Variants in ATP10D observed in about 807,000 individuals in gnomAD.
ATP10D encodes the protein ATPase phospholipid transporting 10D (putative).
Under a neutral mutation model 144.8 loss-of-function variants are expected in ATP10D, and 89 were observed. The observed-to-expected ratio is 0.61, with a 90% CI of 0.52 to 0.73. ATP10D has a LOEUF of 0.73. Among genes scored for constraint, ATP10D ranks in the 30% least tolerant of loss-of-function variants. The pLI is 0.00. For missense variants in ATP10D, 1,603 were observed against 1,714.8 expected (o/e 0.93, Z 1.15); for synonymous variants, 571 against 615.1 (o/e 0.93, Z 1.06).
intron 5 of ATP10D, among the ~76,000 whole-genome samples, chr4:47,528,118 A>C (rs1357367173): frequency 1.3e-5 from 2 of 152,104 alleles, no homozygotes; most frequent in Non-Finnish European, 2.9e-5. Flanking sequence ...TTATAGGTTC[A>C]ATGGTCTTTG....
chr4:47,587,086 G>T lies in ATP10D; in HGVS notation c.3821G>T (p.Gly1274Val), dbSNP rs1271318523. 1 of 1,613,878 alleles carries T rather than the reference G, an allele frequency of 6.2e-7. No homozygotes were observed. The highest frequency in any genetic ancestry group is 1.7e-5 in the Admixed American group (1 of 59,982). Residue 1274 changes from glycine (G) to valine (V), a missense_variant, in exon 22 of 23, where the codon GGA becomes GTA. By Grantham distance (109) the Gly-to-Val change is moderately radical (BLOSUM62 -3). Transcript: ENST00000273859. ...TATTTTTTATTTGCCATAGTTTTTG[G>T]AGCCATGTGTGTAACTTGCAACCCA... Reference protein sequence around the residue: ...LSYFLFAIVFGAMCVTCNPPS... With the variant: ...LSYFLFAIVFVAMCVTCNPPS...
At position 47,591,280 on chromosome 4, in the gene ATP10D, G is replaced by A. The variant is rs140236295; in HGVS notation, c.4180G>A (p.Glu1394Lys). ...GAAGTCAGCAAGTTCCTGTGCTATTGAGCAAGGAAACTTATCTCTGTGTGA... is the reference window on the plus strand; with the variant it reads ...GAAGTCAGCAAGTTCCTGTGCTATTAAGCAAGGAAACTTATCTCTGTGTGA... ...AMKSASSCAI[E>K]QGNLSLCETA... Residue 1394 changes from glutamate to lysine, a missense_variant, in exon 23 of 23, where the codon GAG becomes AAG. Physicochemically the swap from Glu to Lys is moderately conservative, Grantham distance 56. Transcript: ENST00000273859. 8.7e-6 allele frequency: 14 copies of A among 1,613,412 alleles called. No individual in the cohort carries two copies. The highest frequency in any genetic ancestry group is 2.7e-5 in the African/African-American group (2 of 74,862).
intron 1 of ATP10D, among the ~76,000 whole-genome samples, chr4:47,493,044 T>C (rs1327149490): frequency 6.6e-6 from 1 of 152,196 alleles, no homozygotes; most frequent in African/African-American, 2.4e-5. Context: ...CAAATAACTC[T>C]ACTTTCCTAT....
intron 5 of ATP10D, among the ~76,000 whole-genome samples, chr4:47,533,124 C>T (rs370263624): frequency 1.3e-5 from 2 of 152,056 alleles, no homozygotes; most frequent in South Asian, 2.1e-4. Flanking sequence ...GGGAAAAAAT[C>T]TTAATACTTT....
intron 12 of ATP10D, 30 bp downstream of exon 12, chr4:47,558,303 G>T (rs370618661): frequency 2.5e-6 from 4 of 1,595,248 alleles, no homozygotes; most frequent in Non-Finnish European, 3.4e-6. Context: ...AAATAGTAGT[G>T]ATTTGAAAAG....
intron 3 of ATP10D, among the ~76,000 whole-genome samples, chr4:47,518,836 A>G (rs1716808668): frequency 6.6e-6 from 1 of 152,186 alleles, no homozygotes; most frequent in Admixed American, 6.5e-5. Context: ...AGTAAACTCT[A>G]GTATTTGAGA....
At chr4:47,505,749 GAAAAAGAA>G (rs992791189) in intron 1 of ATP10D, among the ~76,000 whole-genome samples, 1 of 147,104 alleles carries the variant, frequency 6.8e-6, no homozygotes, top group African/African-American at 2.5e-5. Context: ...GTCTCCAAAA[GAAAAAGAA>G]AAAAAGAAAA....
Position 47,572,889 on chromosome 4 carries a change from CTT to C in ATP10D, c.3260_3261del (p.Phe1087CysfsTer33), listed in dbSNP as rs1291473995. 6.2e-7 allele frequency: 1 copy of C among 1,614,136 alleles called. No individual in the cohort carries two copies. The highest frequency in any genetic ancestry group is 8.5e-7 in the Non-Finnish European group (1 of 1,180,012). ...ATCTGCAGGCTGTGATGGCCAGTGA[CTT>C]TGCCGTTTCTCAGTTCAAACATCTC... ...EGMQAVMASDFAVSQFKHLSK... is the reference protein window; with the variant it reads ...EGMQAVMASDXAVSQFKHLSK... On this transcript the variant is annotated frameshift_variant, in exon 18 of 23. Transcript: ENST00000273859. LOFTEE classifies it high-confidence loss of function.
At chr4:47,549,913 C>T (rs940882349) in intron 10 of ATP10D, among the ~76,000 whole-genome samples, 2 of 149,980 alleles carry the variant, frequency 1.3e-5, no homozygotes, top group Non-Finnish European at 2.9e-5. Flanking sequence ...ACATGGTGTG[C>T]AGGAGGAATT....
chr4:47,509,954 GTGT>G (rs1716230602), intron 1 of ATP10D, among the ~76,000 whole-genome samples: 1 of 142,956 alleles, frequency 7.0e-6, no homozygotes, highest in Non-Finnish European at 1.6e-5. Flanking sequence ...GTGTGTGTGT[GTGT>G]GTGTGTGTGT....
In ATP10D at chr4:47,563,763, A is replaced by G. The variant is rs1295127182; in HGVS notation, c.2851A>G (p.Lys951Glu). 1 of 1,601,320 alleles carries G rather than the reference A, an allele frequency of 6.2e-7. No homozygotes were observed. The highest frequency in any genetic ancestry group is 8.5e-7 in the Non-Finnish European group (1 of 1,174,354). The change falls in exon 15 of 23, where the codon AAA becomes GAA. Residue 951 changes from lysine (K) to glutamate (E), a missense_variant and splice_region_variant. Coordinates refer to ENST00000273859, the MANE Select transcript of ATP10D (RefSeq NM_020453.4). ...GCTTTTTATCCTCAATACCCAAAGT[A>G]AAGTGCGTATATTGAGATTAAATCT... ...DKLFILNTQS[K>E]DACGMLMSTI...
rs754801127 is a variant in ATP10D, at chr4:47,591,358, C to A, written c.4258C>A (p.Pro1420Thr). 3 of 1,609,434 alleles carry A rather than the reference C, an allele frequency of 1.9e-6. No homozygotes were observed. Among genetic ancestry groups the A allele is most frequent in the Admixed American group, 3.4e-5 (2 of 59,532 alleles). ...SETKAFEMAG[P>T]SKGKES Reference sequence around the variant, plus strand: ...AACTAAGGCCTTTGAGATGGCTGGACCCTCCAAAGGTAAAGAAAGCTAGAT... The same window carrying A: ...AACTAAGGCCTTTGAGATGGCTGGAACCTCCAAAGGTAAAGAAAGCTAGAT... The change falls in exon 23 of 23, where the codon CCC becomes ACC. Residue 1420 changes from proline to threonine, a missense_variant. Transcript: ENST00000273859.
At chr4:47,522,546 A>G (rs866464980) in intron 3 of ATP10D, among the ~76,000 whole-genome samples, 2 of 152,142 alleles carry the variant, frequency 1.3e-5, no homozygotes, top group African/African-American at 2.4e-5. Flanking sequence ...GGGGTTGCCA[A>G]TTCTGCGGCT....
chr4:47,579,799 G>T (rs1720419870), intron 19 of ATP10D, among the ~76,000 whole-genome samples: 2 of 152,232 alleles, frequency 1.3e-5, no homozygotes, highest in African/African-American at 4.8e-5. Flanking sequence ...GGGAGTGGAA[G>T]GAGTCAATTT....
intron 9 of ATP10D, among the ~76,000 whole-genome samples, chr4:47,545,640 G>T (rs1253952970): frequency 6.6e-6 from 1 of 152,200 alleles, no homozygotes; most frequent in Non-Finnish European, 1.5e-5. Context: ...TCTGGCTTAA[G>T]TAACTGTGTA....
At chr4:47,529,586 C>G (rs1034055741) in intron 5 of ATP10D, among the ~76,000 whole-genome samples, 2 of 151,962 alleles carry the variant, frequency 1.3e-5, no homozygotes, top group Non-Finnish European at 2.9e-5. Flanking sequence ...GTACCTCCAG[C>G]TTTTTTTGTT....
At position 47,557,751 on chromosome 4, in the gene ATP10D, A is replaced by G. The variant is rs780831455; in HGVS notation, c.1912A>G (p.Ser638Gly). The change falls in exon 12 of 23, where the codon AGT becomes GGT. Residue 638 changes from serine to glycine, a missense_variant. Coordinates refer to ENST00000273859, the MANE Select transcript of ATP10D (RefSeq NM_020453.4). Reference sequence around the variant, plus strand: ...CCAGAGATGGTCTGTCCGAAGATCAAGTTCTCCATCGCTTAACAGTGGGAA... The same window carrying G: ...CCAGAGATGGTCTGTCCGAAGATCAGGTTCTCCATCGCTTAACAGTGGGAA... The part of the protein sequence containing the change: ...LFQRWSVRRS[S>G]SPSLNSGKEP... 2 of 1,614,234 alleles carry G rather than the reference A, an allele frequency of 1.2e-6. No individual in the cohort carries two copies. Among genetic ancestry groups the G allele is most frequent in the South Asian group, 1.1e-5 (1 of 91,080 alleles).
intron 19 of ATP10D, among the ~76,000 whole-genome samples, chr4:47,577,808 G>A (rs960630342): frequency 1.3e-5 from 2 of 148,410 alleles, no homozygotes; most frequent in Non-Finnish European, 3.0e-5. Flanking sequence ...TTCAGACCAA[G>A]GAACTACATG....
chr4:47,508,729 T>C (rs1716155387), intron 1 of ATP10D, among the ~76,000 whole-genome samples: 1 of 152,256 alleles, frequency 6.6e-6, no homozygotes, highest in African/African-American at 2.4e-5. Context: ...ATCAATATTT[T>C]ATGTGAATTT....
Sources: gnomAD v4.1 joint callset for allele counts (sites outside exome capture counted in the v4.1 genomes callset) on GRCh38, gnomAD v4.1.1 for gene constraint, MANE v1.5 for transcripts, NCBI Gene and HGNC (gene_info 2026-07-23, HGNC 2026-07-21) for gene names.